SUCLG2: variants seen among roughly 807,000 people sequenced by gnomAD.
SUCLG2 encodes succinate--CoA ligase [GDP-forming] subunit beta, mitochondrial.
A neutral mutation model predicts 47.9 loss-of-function variants in SUCLG2; 42 were observed. The observed-to-expected ratio is 0.88, with a 90% CI of 0.69 to 1.14. The LOEUF (loss-of-function observed/expected upper bound fraction) is 1.14. SUCLG2 is among the 50% of genes most tolerant of loss of function. The pLI, the probability that SUCLG2 is intolerant of heterozygous loss-of-function variation, is 0.00. For synonymous variants in SUCLG2, 195 were observed against 197.3 expected (o/e 0.99, Z 0.10); for missense variants, 571 against 525.9 (o/e 1.09, Z -0.84).
At chr3:67,645,214 A>G (rs1701169758) in intron 1 of SUCLG2, among the ~76,000 whole-genome samples, 1 of 152,186 alleles carries the variant, frequency 6.6e-6, no homozygotes, top group South Asian at 2.1e-4. Flanking sequence ...TATTAAAATT[A>G]TATTTTATAC....
At chr3:67,588,307 A>G (rs1436196234) in intron 2 of SUCLG2, among the ~76,000 whole-genome samples, 2 of 152,206 alleles carry the variant, frequency 1.3e-5, no homozygotes, top group African/African-American at 2.4e-5. Flanking sequence ...AAGTTGCTAA[A>G]TGCTCCTAAA....
Position 67,360,711 on chromosome 3 carries a change from G to T in SUCLG2, c.1241C>A (p.Ser414Ter). ...TTGGATACCAGTTATATTCTCATTT[G>T]AATTTCCTGTTTCTTGTTTTATGTG... The change falls in exon 11 of 11, where the codon TCA becomes TAA. Residue 414 changes from serine to a stop codon, truncating the protein, a stop_gained. Transcript: ENST00000493112. LOFTEE classifies it low-confidence loss of function (END_TRUNC). The T allele has an allele frequency of 6.5e-7, 1 of 1,531,360 alleles. No homozygotes were observed. Among genetic ancestry groups the T allele is most frequent in the Non-Finnish European group, 8.7e-7 (1 of 1,144,090 alleles). The allele number at this position is 1,531,360 out of a possible 1,614,324, so 94.9% of individuals were successfully genotyped here. A position where few individuals can be genotyped will look rare whatever the true frequency, so the allele number is the denominator to read the frequency against.
rs181794149 is a variant in SUCLG2 at position 67,538,120 on chromosome 3, C to T, written c.227-8934G>A. 1.2e-3 allele frequency among the ~76,000 whole-genome samples: 184 copies of T among 152,128 alleles called. 2 individuals are homozygous for T. Among genetic ancestry groups the T allele is most frequent in the South Asian group, 5.8e-3 (28 of 4,818 alleles). On this transcript the variant is annotated intron_variant, in intron 2 of 10. Transcript: ENST00000307227. The stretch of plus-strand genomic sequence containing the variant: ...TTGGCTTTTGTTGCTATTGCTTTGG[C>T]GTTTTAGTCATGAAGTCTCTGCCCA...
chr3:67,590,844 T>C (rs1425806262), intron 2 of SUCLG2, among the ~76,000 whole-genome samples: 1 of 152,226 alleles, frequency 6.6e-6, no homozygotes, highest in Non-Finnish European at 1.5e-5. Context: ...TTCTCCATTC[T>C]ACAAAGTTTC....
intron 9 of SUCLG2, among the ~76,000 whole-genome samples, chr3:67,401,454 A>G (rs1029057655): frequency 2.6e-5 from 4 of 152,174 alleles, no homozygotes; most frequent in African/African-American, 7.2e-5. Context: ...AGCTTATAGC[A>G]TAAGTAAGAA....
At chr3:67,624,479 C>A (rs893869568) in intron 1 of SUCLG2, among the ~76,000 whole-genome samples, 6 of 151,364 alleles carry the variant, frequency 4.0e-5, no homozygotes, top group Admixed American at 1.3e-4. Flanking sequence ...GCAGAGAGCA[C>A]CCTTTCTTTC....
chr3:67,599,899 CTCAAT>C (rs1386628667), intron 2 of SUCLG2, among the ~76,000 whole-genome samples: 3 of 152,180 alleles, frequency 2.0e-5, no homozygotes, highest in Non-Finnish European at 2.9e-5. Context: ...TTTAAACCTT[CTCAAT>C]TCATTTCCTG....
chr3:67,453,347 A>G (rs34371385), intron 9 of SUCLG2, among the ~76,000 whole-genome samples: 2,081 of 152,294 alleles, frequency 0.014, 55 homozygotes, highest in African/African-American at 0.048. Flanking sequence ...AAAGATCACA[A>G]TCCAGGCACC....
At chr3:67,632,622 A>G (rs1426233916) in intron 1 of SUCLG2, among the ~76,000 whole-genome samples, 1 of 152,138 alleles carries the variant, frequency 6.6e-6, no homozygotes, top group South Asian at 2.1e-4. Flanking sequence ...CCACTATGAT[A>G]ATGACCACAA....
At chr3:67,566,124 C>T (rs367991929) in intron 2 of SUCLG2, among the ~76,000 whole-genome samples, 1 of 152,218 alleles carries the variant, frequency 6.6e-6, no homozygotes, top group South Asian at 2.1e-4. Flanking sequence ...CTTGAGTGAG[C>T]TACTCAAGCA....
At chr3:67,553,056 A>G (rs931115604) in intron 2 of SUCLG2, among the ~76,000 whole-genome samples, 1 of 152,268 alleles carries the variant, frequency 6.6e-6, no homozygotes, top group African/African-American at 2.4e-5. Flanking sequence ...ACAGTAAGAC[A>G]GCCCATGCTT....
intron 9 of SUCLG2, among the ~76,000 whole-genome samples, chr3:67,427,029 T>G (rs1313014518): frequency 6.6e-6 from 1 of 152,204 alleles, no homozygotes; most frequent in Non-Finnish European, 1.5e-5. Context: ...ACAATAGGAT[T>G]TCTTCCTACC....
intron 2 of SUCLG2, among the ~76,000 whole-genome samples, chr3:67,580,311 C>G (rs576047270): frequency 7.2e-5 from 11 of 152,226 alleles, no homozygotes; most frequent in Admixed American, 2.0e-4. Flanking sequence ...TGTGTGTATG[C>G]ACTTACACAT....
chr3:67,405,794 T>G (rs1702791429), intron 9 of SUCLG2, among the ~76,000 whole-genome samples: 2 of 152,198 alleles, frequency 1.3e-5, no homozygotes. Flanking sequence ...GATATATGAA[T>G]AGCTATCACA....
downstream of SUCLG2, among the ~76,000 whole-genome samples, chr3:67,370,726 T>C (rs1278345926): frequency 1.3e-5 from 2 of 152,176 alleles, no homozygotes; most frequent in African/African-American, 2.4e-5. Flanking sequence ...TAATAAAAGT[T>C]ATATGAATGT....
At chr3:67,490,727 G>C (rs1705181808) in intron 9 of SUCLG2, among the ~76,000 whole-genome samples, 1 of 152,168 alleles carries the variant, frequency 6.6e-6, no homozygotes, top group Non-Finnish European at 1.5e-5. Flanking sequence ...AGAAAGGTTT[G>C]CAAGTTGGTA....
chr3:67,533,480 G>C (rs956272448), intron 2 of SUCLG2, among the ~76,000 whole-genome samples: 1 of 152,134 alleles, frequency 6.6e-6, no homozygotes, highest in African/African-American at 2.4e-5. Flanking sequence ...CACCTTCCCT[G>C]AGAGTTGATA....
chr3:67,498,049 C>A, intron 8 of SUCLG2, 85 bp downstream of exon 8: 3 of 1,388,106 alleles, frequency 2.2e-6, no homozygotes, highest in South Asian at 1.4e-5. Flanking sequence ...CTTACTTCTT[C>A]TTGGTAAGTG....
intron 9 of SUCLG2, among the ~76,000 whole-genome samples, chr3:67,458,958 A>G (rs1704258645): frequency 6.6e-6 from 1 of 152,248 alleles, no homozygotes; most frequent in Non-Finnish European, 1.5e-5. Flanking sequence ...TTTGAGACCC[A>G]ATATAACAAA....
Sources: allele counts gnomAD v4.1 joint callset (sites outside exome capture counted in the v4.1 genomes callset), GRCh38; gene constraint gnomAD v4.1.1; transcripts MANE v1.5; gene names NCBI Gene and HGNC (gene_info 2026-07-23, HGNC 2026-07-21).